Variants in ZNF521 observed in about 807,000 individuals in gnomAD.
ZNF521 encodes the protein zinc finger protein 521.
ZNF521 carries 14 observed loss-of-function variants against 105.5 expected under a neutral mutation model. The observed-to-expected ratio is 0.13, with a 90% CI of 0.09 to 0.21. ZNF521 has a LOEUF of 0.21. Among genes scored for constraint, ZNF521 ranks in the 10% least tolerant of loss-of-function variants. The probability of loss-of-function intolerance (pLI) is 1.00; values close to 1 mark genes in which losing one functional copy is unlikely to be tolerated. For missense variants in ZNF521, 1,233 were observed against 1,629.7 expected (o/e 0.76, Z 4.19); for synonymous variants, 635 against 606.0 (o/e 1.05, Z -0.70).
At chr18:25,290,607 CTTTTTTTTTT>C (rs35687026) in intron 3 of ZNF521, among the ~76,000 whole-genome samples, 2 of 116,218 alleles carry the variant, frequency 1.7e-5, no homozygotes, top group Non-Finnish European at 3.5e-5. Flanking sequence ...AGGCCATATT[CTTTTTTTTTT>C]TTTTTTTTTT....
intron 2 of ZNF521, among the ~76,000 whole-genome samples, chr18:25,349,789 C>T (rs1254771085): frequency 6.7e-6 from 1 of 150,220 alleles, no homozygotes; most frequent in South Asian, 2.1e-4. Flanking sequence ...ACCCAGCGGG[C>T]CCGGGCGGGC....
chr18:25,067,336 T>C (rs958656904), intron 7 of ZNF521, among the ~76,000 whole-genome samples: 3 of 152,268 alleles, frequency 2.0e-5, no homozygotes, highest in East Asian at 1.9e-4. Context: ...GTATTTTTTT[T>C]CTCTATAAAT....
At chr18:25,071,659 G>T (rs2033227335) in intron 7 of ZNF521, among the ~76,000 whole-genome samples, 1 of 152,110 alleles carries the variant, frequency 6.6e-6, no homozygotes. Context: ...AGCAGCATCT[G>T]GTCCAGTATC....
intron 3 of ZNF521, among the ~76,000 whole-genome samples, chr18:25,228,265 C>CA (rs1045231113): frequency 2.4e-4 from 36 of 151,924 alleles, no homozygotes; most frequent in Admixed American, 6.6e-4. Context: ...TTGCTTTCAG[C>CA]AAAAAAATAT....
At chr18:25,184,342 T>C (rs759523091) in intron 5 of ZNF521, among the ~76,000 whole-genome samples, 4 of 152,168 alleles carry the variant, frequency 2.6e-5, no homozygotes, top group African/African-American at 4.8e-5. Flanking sequence ...AGATATAATA[T>C]AGACTAATTT....
rs771902166 is a variant in ZNF521, at chr18:25,224,849, C to T, written c.3069G>A (p.Val1023=). 3 of 1,614,012 alleles carry T rather than the reference C, an allele frequency of 1.9e-6. No individual in the cohort carries two copies. In the South Asian group the frequency reaches 3.3e-5, roughly 18 times the overall value. ...TGGAGGTCACTGTCTGCATGCACACCACGCAGCGAAAGCCTGTCAGGGAAT... is the reference window on the plus strand; with the variant it reads ...TGGAGGTCACTGTCTGCATGCACACTACGCAGCGAAAGCCTGTCAGGGAAT... The part of the protein sequence containing the change: ...LRNSLTGFRC[V]VCMQTVTSTL... Residue 1023 remains valine, a synonymous_variant, in exon 4 of 8, where the codon GTG becomes GTA. Transcript: ENST00000361524.
intron 4 of ZNF521, among the ~76,000 whole-genome samples, chr18:25,204,570 A>C (rs73407190): frequency 0.094 from 14,233 of 152,154 alleles, 1,502 homozygotes; most frequent in African/African-American, 0.26. Flanking sequence ...TGTTTACTTT[A>C]AGTTTAAAAT....
intron 2 of ZNF521, among the ~76,000 whole-genome samples, chr18:25,350,622 C>G (rs1438457354): frequency 6.6e-6 from 1 of 151,504 alleles, no homozygotes; most frequent in Non-Finnish European, 1.5e-5. Flanking sequence ...AATTTCGTTT[C>G]TTTCTCTCTC....
chr18:25,092,822 T>C (rs537048715), intron 5 of ZNF521, among the ~76,000 whole-genome samples: 7 of 152,212 alleles, frequency 4.6e-5, no homozygotes, highest in Non-Finnish European at 1.0e-4. Flanking sequence ...GTCATAACAT[T>C]GCTATATAAA....
At chr18:25,154,473 G>GAAAAGAGGC (rs1301520332) in intron 5 of ZNF521, among the ~76,000 whole-genome samples, 1 of 152,152 alleles carries the variant, frequency 6.6e-6, no homozygotes, top group Non-Finnish European at 1.5e-5. Flanking sequence ...AGGGGTGAAG[G>GAAAAGAGGC]AAAAGAGGCA....
chr18:25,253,530 A>G (rs937215260), intron 3 of ZNF521, among the ~76,000 whole-genome samples: 13 of 152,150 alleles, frequency 8.5e-5, no homozygotes, highest in African/African-American at 2.7e-4. Context: ...CTCCTTCAAA[A>G]AAGTTGGGGT....
chr18:25,130,229 G>T (rs1260322520), intron 5 of ZNF521, among the ~76,000 whole-genome samples: 1 of 152,176 alleles, frequency 6.6e-6, no homozygotes, highest in Non-Finnish European at 1.5e-5. Flanking sequence ...AGTAAAAGAA[G>T]CCAGTCTGAA....
intron 2 of ZNF521, among the ~76,000 whole-genome samples, chr18:25,341,130 A>G (rs1367949855): frequency 7.2e-5 from 11 of 152,146 alleles, no homozygotes; most frequent in Admixed American, 7.2e-4. Flanking sequence ...ATTATCCTTA[A>G]ATTGTCTCAC....
chr18:25,179,988 C>T (rs2035603192), intron 5 of ZNF521, among the ~76,000 whole-genome samples: 1 of 152,104 alleles, frequency 6.6e-6, no homozygotes, highest in Non-Finnish European at 1.5e-5. Context: ...CAAGTTAAGA[C>T]CTTTGATGTA....
intron 3 of ZNF521, among the ~76,000 whole-genome samples, chr18:25,282,893 C>T (rs1374899018): frequency 6.6e-6 from 1 of 152,124 alleles, no homozygotes; most frequent in African/African-American, 2.4e-5. Context: ...TGAAAGGCAC[C>T]ACGTGGAGTA....
chr18:25,088,072 G>A (rs1219590879), intron 7 of ZNF521, among the ~76,000 whole-genome samples: 1 of 152,150 alleles, frequency 6.6e-6, no homozygotes, highest in Non-Finnish European at 1.5e-5. Context: ...CAGTCCCTCA[G>A]TCTTGCCTCT....
At chr18:25,108,769 C>CA (rs1485496356) in intron 5 of ZNF521, among the ~76,000 whole-genome samples, 2 of 112,270 alleles carry the variant, frequency 1.8e-5, no homozygotes, top group Non-Finnish European at 3.9e-5. Context: ...GGACTACAGG[C>CA]GTGTGTCACC....
intron 4 of ZNF521, among the ~76,000 whole-genome samples, chr18:25,212,233 C>A (rs961456007): frequency 6.6e-6 from 1 of 151,594 alleles, no homozygotes; most frequent in Non-Finnish European, 1.5e-5. Context: ...TTTTAATGGC[C>A]GGGCATGGTG....
rs147632979 is a variant in ZNF521, at chr18:25,287,342, G to T, written c.220+34666C>A. Reference sequence around the variant, plus strand: ...TTAAGCGCTCTTCCTGCCTTTCCTAGTATTACAGATAATTTGCTAGTTTCA... The same window carrying T: ...TTAAGCGCTCTTCCTGCCTTTCCTATTATTACAGATAATTTGCTAGTTTCA... On this transcript the variant is annotated intron_variant, in intron 3 of 7. Coordinates refer to ENST00000361524, the MANE Select transcript of ZNF521 (RefSeq NM_015461.3). 1.6e-3 allele frequency among the ~76,000 whole-genome samples: 246 copies of T among 152,274 alleles called. 4 individuals are homozygous for T. The East Asian group carries it at 0.039, about 24-fold the overall frequency.
Sources: gnomAD v4.1 joint callset for allele counts (sites outside exome capture counted in the v4.1 genomes callset) on GRCh38, gnomAD v4.1.1 for gene constraint, MANE v1.5 for transcripts, NCBI Gene and HGNC (gene_info 2026-07-23, HGNC 2026-07-21) for gene names.